Variants in WDR47 observed in about 807,000 individuals in gnomAD.
WDR47 encodes the protein WD repeat-containing protein 47.
WDR47 carries 32 observed loss-of-function variants against 97.2 expected under a neutral mutation model. The observed-to-expected ratio is 0.33, with a 90% CI of 0.25 to 0.44. WDR47 has a LOEUF of 0.44. Among genes scored for constraint, WDR47 ranks in the 20% least tolerant of loss-of-function variants. The pLI is 1.00. For synonymous variants in WDR47, 375 were observed against 373.5 expected (o/e 1.00, Z -0.05); for missense variants, 782 against 1,102.3 (o/e 0.71, Z 4.11).
chr1:108,991,317 A>C lies in WDR47; in HGVS notation c.1704T>G (p.His568Gln), dbSNP rs1273313604. ...SPCGSQISSE[H>Q]SVIKPPLGDS... ...CTCCAAGAGGTGGCTTAATGACCGA[A>C]TGTTCTGAAGAGCTGTGGGAGTAGA... is the stretch of plus-strand genomic sequence containing the variant. The change falls in exon 9 of 15, where the codon CAT becomes CAG. Residue 568 changes from histidine to glutamine, a missense_variant. This residue lies in a region of WDR47 where 126 missense variants were observed against 121.3 expected (regional missense o/e 1.04). Coordinates refer to ENST00000369962, the MANE Select transcript of WDR47 (RefSeq NM_001142551.2). 6.2e-7 allele frequency: 1 copy of C among 1,612,284 alleles called. No homozygotes were observed. The highest frequency in any genetic ancestry group is 1.7e-5 in the Admixed American group (1 of 59,994).
intron 2 of WDR47, among the ~76,000 whole-genome samples, chr1:109,018,737 C>T (rs774809855): frequency 6.6e-6 from 1 of 151,344 alleles, no homozygotes; most frequent in Non-Finnish European, 1.5e-5. Context: ...ATCACTTGAG[C>T]CCAGATGTCA....
chr1:108,992,233 T>C (rs753810050), intron 8 of WDR47: 21 of 829,228 alleles, frequency 2.5e-5, no homozygotes, highest in African/African-American at 1.0e-4. Context: ...AATTAAAATA[T>C]GATGGTAGAA....
At chr1:109,008,459 C>T (rs1660791289) in intron 5 of WDR47, among the ~76,000 whole-genome samples, 1 of 152,040 alleles carries the variant, frequency 6.6e-6, no homozygotes, top group Admixed American at 6.6e-5. Context: ...GATGGGGTTT[C>T]ACCACATTGG....
At chr1:109,017,173 A>G (rs1661477734) in intron 3 of WDR47, among the ~76,000 whole-genome samples, 2 of 152,176 alleles carry the variant, frequency 1.3e-5, no homozygotes, top group Non-Finnish European at 2.9e-5. Flanking sequence ...TGAACATTAA[A>G]TCAACTTAAA....
intron 1 of WDR47, among the ~76,000 whole-genome samples, chr1:109,035,520 C>G (rs925025314): frequency 7.0e-6 from 1 of 143,492 alleles, no homozygotes; most frequent in African/African-American, 2.6e-5. Context: ...TTTTTTGAGA[C>G]GGAGTCTTAC....
Position 109,011,292 on chromosome 1 carries a change from G to C in WDR47, c.754C>G (p.Pro252Ala). 1 of 1,614,088 alleles carries C rather than the reference G, an allele frequency of 6.2e-7. No individual in the cohort carries two copies. The highest frequency in any genetic ancestry group is 8.5e-7 in the Non-Finnish European group (1 of 1,180,024). The change falls in exon 5 of 15, where the codon CCA (proline) becomes GCA (alanine). Residue 252 changes from proline to alanine, a missense_variant. Around this residue, in one of 3 missense-constraint regions of WDR47, gnomAD observed 428 missense variants for 584.3 expected, o/e 0.73. Coordinates refer to ENST00000369962, the MANE Select transcript of WDR47 (RefSeq NM_001142551.2). The part of the protein sequence containing the change: ...LSLLSWLQNL[P>A]SSVFSCAFEQ... ...AAAGCACAAGAGAAGACAGAAGATG[G>C]AAGATTCTGAAGCCATGACAGTAAA...
intron 5 of WDR47, among the ~76,000 whole-genome samples, chr1:109,009,168 C>A (rs55963163): frequency 6.6e-6 from 1 of 152,204 alleles, no homozygotes; most frequent in South Asian, 2.1e-4. Context: ...ATGGCTCCAA[C>A]TATCCTATGT....
At chr1:108,971,882 A>C (rs1278053636) in intron 14 of WDR47, among the ~76,000 whole-genome samples, 1 of 152,100 alleles carries the variant, frequency 6.6e-6, no homozygotes, top group East Asian at 1.9e-4. Context: ...TTCTTGACGT[A>C]AAGCTTGGTG....
At chr1:108,999,403 A>C (rs1660007381) in intron 7 of WDR47, among the ~76,000 whole-genome samples, 1 of 152,032 alleles carries the variant, frequency 6.6e-6, no homozygotes, top group Non-Finnish European at 1.5e-5. Flanking sequence ...CTAAATTACA[A>C]GACAGAATTT....
chr1:109,017,390 G>A (rs567776347), intron 3 of WDR47, 128 bp downstream of exon 3: 40 of 750,268 alleles, frequency 5.3e-5, no homozygotes, highest in South Asian at 1.3e-4. Context: ...GTGACAGAGA[G>A]AGATCAATTT....
At chr1:108,996,620 G>GT (rs1163590463) in intron 7 of WDR47, among the ~76,000 whole-genome samples, 1 of 152,140 alleles carries the variant, frequency 6.6e-6, no homozygotes, top group Non-Finnish European at 1.5e-5. Context: ...TACTCCACAT[G>GT]TACTTATTCA....
chr1:109,029,671 C>CAAAATAAATAAATAAATAAA (rs1219433668), intron 1 of WDR47, among the ~76,000 whole-genome samples: 16 of 140,668 alleles, frequency 1.1e-4, no homozygotes, highest in African/African-American at 2.9e-4. Flanking sequence ...GACTCTGTCT[C>CAAAATAAATAAATAAATAAA]TAAATAAATA....
chr1:109,008,584 T>C (rs1262472610), intron 5 of WDR47, among the ~76,000 whole-genome samples: 1 of 148,600 alleles, frequency 6.7e-6, no homozygotes, highest in Non-Finnish European at 1.5e-5. Context: ...TTCTTATGCT[T>C]TAACTAAGGA....
At chr1:109,002,115 G>T in intron 7 of WDR47, 109 bp downstream of exon 7, 1 of 1,245,660 alleles carries the variant, frequency 8.0e-7, no homozygotes, top group Non-Finnish European at 1.1e-6. Context: ...TACTTCAAAT[G>T]CGTAAAAAGC....
intron 2 of WDR47, among the ~76,000 whole-genome samples, chr1:109,019,003 T>C (rs986674810): frequency 3.3e-5 from 5 of 151,514 alleles, no homozygotes; most frequent in Non-Finnish European, 2.9e-5. Flanking sequence ...AAGAAGGTCA[T>C]GGCTGCAGTG....
intron 3 of WDR47, among the ~76,000 whole-genome samples, chr1:109,016,946 T>C (rs1050170808): frequency 1.3e-4 from 20 of 152,068 alleles, no homozygotes; most frequent in Admixed American, 1.3e-3. Context: ...AAGAAAAATA[T>C]AATCATAATG....
intron 6 of WDR47, 38 bp downstream of exon 6, chr1:109,004,554 G>T: frequency 6.3e-7 from 1 of 1,580,140 alleles, no homozygotes; most frequent in Non-Finnish European, 8.6e-7. Context: ...CTTACAAAGA[G>T]AATAACTCTG....
intron 1 of WDR47, among the ~76,000 whole-genome samples, chr1:109,028,968 G>C (rs779757477): frequency 6.6e-6 from 1 of 151,998 alleles, no homozygotes; most frequent in Non-Finnish European, 1.5e-5. Context: ...TAAAAAGTAA[G>C]TTTTACTTAT....
chr1:109,040,055 AAAG>A (rs1206706318), intron 1 of WDR47, among the ~76,000 whole-genome samples: 1 of 151,752 alleles, frequency 6.6e-6, no homozygotes, highest in Non-Finnish European at 1.5e-5. Flanking sequence ...AAAAAAAAAA[AAAG>A]GTAATCAACA....
Sources: gnomAD v4.1 joint callset for allele counts (sites outside exome capture counted in the v4.1 genomes callset) on GRCh38, gnomAD v4.1.1 for gene constraint, gnomAD v4.1.1 regional missense constraint, MANE v1.5 for transcripts, NCBI Gene and HGNC (gene_info 2026-07-23, HGNC 2026-07-21) for gene names.